The following PDXDC1 variants were observed in gnomAD, a reference collection of about 807,000 sequenced individuals.
The protein encoded by PDXDC1 is pyridoxal dependent decarboxylase domain containing 1.
Under a neutral mutation model 100.1 loss-of-function variants are expected in PDXDC1, and 42 were observed. The observed-to-expected ratio is 0.42, with a 90% CI of 0.33 to 0.54. The LOEUF is 0.54. PDXDC1 is among the 20% of genes least tolerant of loss of function. The pLI is 0.10. For synonymous variants in PDXDC1, 260 were observed against 371.7 expected (o/e 0.70, Z 3.46); for missense variants, 636 against 979.2 (o/e 0.65, Z 4.68).
At chr16:15,147,203 C>A in the PDXDC1 span, among the ~76,000 whole-genome samples, 2 of 151,658 alleles carry the variant, frequency 1.3e-5, no homozygotes, top group African/African-American at 4.9e-5. Flanking sequence ...AGCAGCTGCA[C>A]CTGGGTGCAG....
At chr16:15,056,339 C>A (rs1025574195) in intron 16 of PDXDC1, among the ~76,000 whole-genome samples, 2 of 152,228 alleles carry the variant, frequency 1.3e-5, no homozygotes, top group Admixed American at 6.5e-5. Flanking sequence ...AGAGAGCCTC[C>A]GGGCGAGTTC....
At chr16:15,137,274 G>A (rs2048377128) in intron 16 of PDXDC1, 1 of 799,636 alleles carries the variant, frequency 1.3e-6, no homozygotes, top group Non-Finnish European at 2.0e-6. Context: ...AAGACGTGCT[G>A]GAGGAGGGTG....
intron 16 of PDXDC1, among the ~76,000 whole-genome samples, chr16:15,089,805 A>C (rs1230921897): frequency 2.0e-5 from 3 of 150,986 alleles, no homozygotes; most frequent in Admixed American, 1.3e-4. Flanking sequence ...AAAAAAAAAA[A>C]AAAAAACAGA....
chr16:15,128,527 T>C (rs1205355320), intron 16 of PDXDC1: 4 of 647,154 alleles, frequency 6.2e-6, no homozygotes, highest in Non-Finnish European at 1.1e-5. Flanking sequence ...GGCTCTGCCA[T>C]ACACGAGGAG....
At chr16:15,064,761 G>A (rs1376847993) in intron 16 of PDXDC1, among the ~76,000 whole-genome samples, 3 of 152,210 alleles carry the variant, frequency 2.0e-5, no homozygotes, top group Non-Finnish European at 4.4e-5. Context: ...TTTGCATCTG[G>A]TGAAATATAC....
chr16:15,147,203 C>T, the PDXDC1 span, among the ~76,000 whole-genome samples: 162 of 151,774 alleles, frequency 1.1e-3, no homozygotes, highest in African/African-American at 3.5e-3. Flanking sequence ...AGCAGCTGCA[C>T]CTGGGTGCAG....
At chr16:15,133,299 C>T (rs1297285190) in intron 16 of PDXDC1, 63 of 1,573,582 alleles carry the variant, frequency 4.0e-5, no homozygotes, top group Non-Finnish European at 5.2e-5. Context: ...AGCGAGTACT[C>T]GATGACGTGC....
chr16:15,049,728 T>G (rs2044223254), intron 16 of PDXDC1, among the ~76,000 whole-genome samples: 1 of 152,146 alleles, frequency 6.6e-6, no homozygotes, highest in Non-Finnish European at 1.5e-5. Context: ...CCCAGCCCCC[T>G]GTGTAATTTG....
At position 15,135,300 on chromosome 16, in the gene PDXDC1, C is replaced by T. The variant is rs554187232; in HGVS notation, c.1400-3579C>T. The T allele has an allele frequency of 9.8e-4, 1,490 of 1,519,690 alleles. 9 individuals are homozygous for T. The African/African-American group carries it at 0.017, about 17-fold the overall frequency. The allele number at this position is 1,519,690 out of a possible 1,614,324, so 94.1% of individuals were successfully genotyped here. A position where few individuals can be genotyped will look rare whatever the true frequency, so the allele number is the denominator to read the frequency against. ...CCCACCGTCTGGTTGGTGGCCTCCT[C>T]CTTGCGGCCGGCCTTCCACACGGTG... On this transcript the variant is annotated intron_variant, in intron 16 of 16. Transcript: ENST00000535621.
At chr16:15,122,903 G>C (rs1048263193) in intron 16 of PDXDC1, among the ~76,000 whole-genome samples, 32 of 148,668 alleles carry the variant, frequency 2.2e-4, no homozygotes, top group Non-Finnish European at 3.6e-4. Context: ...TTGGGTACCT[G>C]GAGGAGGTGG....
the PDXDC1 span, among the ~76,000 whole-genome samples, chr16:15,148,248 C>G: frequency 3.9e-5 from 6 of 151,904 alleles, no homozygotes; most frequent in Non-Finnish European, 8.8e-5. Flanking sequence ...TGAGGCACCG[C>G]GCCCGGCTGG....
At chr16:14,984,669 G>T (rs1968911008) in intron 1 of PDXDC1, among the ~76,000 whole-genome samples, 1 of 151,388 alleles carries the variant, frequency 6.6e-6, no homozygotes, top group Non-Finnish European at 1.5e-5. Flanking sequence ...GTAATTTTTT[G>T]TATCTTTAGT....
intron 16 of PDXDC1, chr16:15,085,714 G>C (rs1298176381): frequency 6.2e-7 from 1 of 1,612,538 alleles, no homozygotes; most frequent in African/African-American, 1.3e-5. Flanking sequence ...GAGGGAAAAA[G>C]AAAATATGTT....
chr16:15,088,922 T>C (rs1016362072), intron 16 of PDXDC1, among the ~76,000 whole-genome samples: 154 of 151,958 alleles, frequency 1.0e-3, no homozygotes, highest in Middle Eastern at 3.4e-3. Context: ...GAAAGCTCCA[T>C]GAAAGATGGA....
At chr16:15,042,565 T>C (rs1220010191), downstream of PDXDC1, among the ~76,000 whole-genome samples, 2 of 152,192 alleles carry the variant, frequency 1.3e-5, no homozygotes, top group East Asian at 3.9e-4. Flanking sequence ...TGTTATTTTT[T>C]AGCGACTACA....
chr16:14,987,430 T>C (rs1028084972), intron 1 of PDXDC1, among the ~76,000 whole-genome samples: 2 of 152,290 alleles, frequency 1.3e-5, no homozygotes, highest in African/African-American at 4.8e-5. Context: ...GTAATGTGTG[T>C]AGAGGCGTTA....
In PDXDC1 at chr16:15,036,399, G is replaced by A; in HGVS notation, c.*124G>A. 5.0e-6 allele frequency: 5 copies of A among 1,003,966 alleles called. No individual in the cohort carries two copies. The highest frequency in any genetic ancestry group is 7.4e-6 in the Non-Finnish European group (5 of 679,058). The allele number at this position is 1,003,966 out of a possible 1,614,324, so 62.2% of individuals were successfully genotyped here. On this transcript the variant is annotated 3_prime_UTR_variant, in exon 23 of 23. Coordinates refer to ENST00000396410, the MANE Select transcript of PDXDC1 (RefSeq NM_015027.4). ...GTTGTTTGTGCTTCACTGGGATTTTGGCACAAATATGTGCCTGAAAGGTAG... is the reference window on the plus strand; with the variant it reads ...GTTGTTTGTGCTTCACTGGGATTTTAGCACAAATATGTGCCTGAAAGGTAG...
chr16:15,126,290 G>GC (rs936106563), intron 16 of PDXDC1, among the ~76,000 whole-genome samples: 8 of 132,402 alleles, frequency 6.0e-5, no homozygotes, highest in African/African-American at 1.9e-4. Flanking sequence ...GCCCGCCTCC[G>GC]CCTCCCAAAG....
chr16:15,055,847 T>A, intron 16 of PDXDC1: 1 of 1,069,086 alleles, frequency 9.4e-7, no homozygotes, highest in East Asian at 3.2e-5. Flanking sequence ...CCCTGCAGCT[T>A]CCCCTCGGGC....
Sources: allele counts gnomAD v4.1 joint callset (sites outside exome capture counted in the v4.1 genomes callset), GRCh38; gene constraint gnomAD v4.1.1; transcripts MANE v1.5; gene names NCBI Gene and HGNC (gene_info 2026-07-23, HGNC 2026-07-21).